Variants in SH3TC1 observed in about 807,000 individuals in gnomAD.
SH3TC1 encodes SH3 domain and tetratricopeptide repeat-containing protein 1.
In SH3TC1, 135 loss-of-function variants were observed where a neutral mutation model predicts 117.3. The ratio of observed to expected loss-of-function variants is 1.15; its 90% CI spans 1.00 to 1.33. The LOEUF (loss-of-function observed/expected upper bound fraction) is 1.33, where lower values mean the gene tolerates loss of function less well. Ranked by LOEUF, SH3TC1 falls within the 40% of genes most tolerant of loss-of-function variation. The pLI is 0.00. For missense variants in SH3TC1, 2,092 were observed against 1,794.3 expected (o/e 1.17, Z -3.00); for synonymous variants, 898 against 816.9 (o/e 1.10, Z -1.69).
chr4:8,227,158 A>G lies in SH3TC1; in HGVS notation c.1464A>G (p.Glu488=). 1.2e-6 allele frequency: 2 copies of G among 1,608,112 alleles called. No homozygotes were observed. Among genetic ancestry groups the G allele is most frequent in the Non-Finnish European group, 1.7e-6 (2 of 1,177,524 alleles). Reference sequence around the variant, plus strand: ...CCGAGGAGCCCTCCTTCTGCTTGGAAGCCGAGGACGACTGGGAGGACCCAG... The same window carrying G: ...CCGAGGAGCCCTCCTTCTGCTTGGAGGCCGAGGACGACTGGGAGGACCCAG... ...QDPEEPSFCL[E]AEDDWEDPEA... Residue 488 remains glutamate (E), a synonymous_variant, in exon 12 of 18, where the codon GAA becomes GAG. Coordinates refer to ENST00000245105, the MANE Select transcript of SH3TC1 (RefSeq NM_018986.5).
At chr4:8,204,430 C>A (rs1285392270) in intron 1 of SH3TC1, among the ~76,000 whole-genome samples, 1 of 152,202 alleles carries the variant, frequency 6.6e-6, no homozygotes, top group Non-Finnish European at 1.5e-5. Flanking sequence ...TCTGCATCCC[C>A]ATTGCTCCCC....
At chr4:8,214,448 C>G (rs367781994) in intron 4 of SH3TC1, 27 bp from the exon 5 acceptor site, 2 of 1,607,488 alleles carry the variant, frequency 1.2e-6, no homozygotes, top group East Asian at 2.2e-5. Flanking sequence ...CTGGGGACCT[C>G]TCGAATTCCT....
Position 8,227,510 on chromosome 4 carries a change from A to T in SH3TC1, c.1816A>T (p.Asn606Tyr). The change falls in exon 12 of 18, where the codon AAC becomes TAC. Residue 606 changes from asparagine to tyrosine, a missense_variant. By Grantham distance (143) the Asn-to-Tyr change is moderately radical. Coordinates refer to ENST00000245105, the MANE Select transcript of SH3TC1 (RefSeq NM_018986.5). Reference sequence around the variant, plus strand: ...GTTCCTAGTGGTGGCTGTGTACGCCAACCTGGCCAGCATTTACCGGAAGCA... The same window carrying T: ...GTTCCTAGTGGTGGCTGTGTACGCCTACCTGGCCAGCATTTACCGGAAGCA... ...DLFLVVAVYA[N>Y]LASIYRKQKN... 1 of 1,550,836 alleles carries T rather than the reference A, an allele frequency of 6.4e-7. No homozygotes were observed. Among genetic ancestry groups the T allele is most frequent in the Admixed American group, 2.1e-5 (1 of 47,978 alleles).
chr4:8,240,215 C>G (rs954613415), intron 17 of SH3TC1, among the ~76,000 whole-genome samples: 1 of 152,192 alleles, frequency 6.6e-6, no homozygotes, highest in Non-Finnish European at 1.5e-5. Context: ...GGGCATCACA[C>G]TCCGTCAATA....
At chr4:8,191,810 T>A (rs1361260823) in intron 1 of SH3TC1, among the ~76,000 whole-genome samples, 2 of 151,996 alleles carry the variant, frequency 1.3e-5, no homozygotes, top group Non-Finnish European at 2.9e-5. Context: ...CTTTGCTTGT[T>A]TGTGTTTCTG....
At chr4:8,238,551 G>A (rs897058533) in intron 17 of SH3TC1, among the ~76,000 whole-genome samples, 4 of 152,150 alleles carry the variant, frequency 2.6e-5, no homozygotes, top group Non-Finnish European at 4.4e-5. Flanking sequence ...GAGGAGCTGC[G>A]GCAACCCTAA....
chr4:8,209,118 C>T lies in SH3TC1; in HGVS notation c.173-630C>T, dbSNP rs182059025. Among the ~76,000 whole-genome samples the T allele has an allele frequency of 3.0e-4, 46 of 152,304 alleles. No individual in the cohort carries two copies. The highest frequency in any genetic ancestry group is 5.7e-4 in the Non-Finnish European group (39 of 68,032). On this transcript the variant is annotated intron_variant, in intron 2 of 17. Transcript: ENST00000245105. The surrounding 1 kb of genome is among the most constrained non-coding windows in gnomAD (Gnocchi z 5.9). ...CCTGCACAAGCTGTGAGGCTGAGCCCGTCTGTGGGCTCAGATAAAGTCCTC... is the reference window on the plus strand; with the variant it reads ...CCTGCACAAGCTGTGAGGCTGAGCCTGTCTGTGGGCTCAGATAAAGTCCTC...
Position 8,227,356 on chromosome 4 carries a change from C to T in SH3TC1, c.1662C>T (p.Gly554=), listed in dbSNP as rs371221202. The T allele has an allele frequency of 8.0e-5, 127 of 1,595,312 alleles. No homozygotes were observed. Among genetic ancestry groups the T allele is most frequent in the South Asian group, 3.0e-4 (26 of 88,084 alleles). Residue 554 remains glycine, a synonymous_variant, in exon 12 of 18, where the codon GGC becomes GGT. Coordinates refer to ENST00000245105, the MANE Select transcript of SH3TC1 (RefSeq NM_018986.5). The part of the protein sequence containing the change: ...AQARGAAKKA[G]LLMALARLCF... ...CCCGGGGGGCGGCCAAGAAAGCTGG[C>T]CTCCTCATGGCCCTGGCCAGGCTCT...
intron 4 of SH3TC1, among the ~76,000 whole-genome samples, chr4:8,214,219 A>T (rs965055617): frequency 1.3e-5 from 2 of 151,864 alleles, no homozygotes; most frequent in Non-Finnish European, 2.9e-5. Flanking sequence ...GGAGGTGTAG[A>T]GGGTGAGGAG....
In SH3TC1 at chr4:8,228,584, C is replaced by T. The variant is rs1330991735; in HGVS notation, c.2890C>T (p.Gln964Ter). The change falls in exon 12 of 18, where the codon CAG (glutamine) becomes TAG (stop). Residue 964 changes from glutamine (Q) to a stop codon, truncating the protein, a stop_gained. Coordinates refer to ENST00000245105, the MANE Select transcript of SH3TC1 (RefSeq NM_018986.5). LOFTEE classifies it high-confidence loss of function. ...CTGCACCCGCCAGGGCCCGGCCCAG[C>T]AGGGCAAGGGCTACTACGAGTGGGC... ...HLCTRQGPAQ[Q>*]GKGYYEWALL... 2 of 1,586,952 alleles carry T rather than the reference C, an allele frequency of 1.3e-6. No homozygotes were observed. Among genetic ancestry groups the T allele is most frequent in the Admixed American group, 1.7e-5 (1 of 57,464 alleles).
upstream of SH3TC1, among the ~76,000 whole-genome samples, chr4:8,195,930 G>A (rs1317846944): frequency 6.6e-6 from 1 of 152,214 alleles, no homozygotes; most frequent in African/African-American, 2.4e-5. Flanking sequence ...CATCATCTGA[G>A]CAGGGGCACA....
intron 4 of SH3TC1, among the ~76,000 whole-genome samples, chr4:8,214,164 G>A (rs1330843621): frequency 6.6e-6 from 1 of 152,142 alleles, no homozygotes; most frequent in Non-Finnish European, 1.5e-5. Flanking sequence ...GGGAGAAGCG[G>A]CGGTCACTGG....
chr4:8,228,981 C>T (rs1720861295), intron 12 of SH3TC1, among the ~76,000 whole-genome samples: 1 of 152,212 alleles, frequency 6.6e-6, no homozygotes, highest in African/African-American at 2.4e-5. Context: ...CTCCGCTGAG[C>T]TGGGACTTGG....
At chr4:8,239,357 GCACA>G (rs879940656) in intron 17 of SH3TC1, among the ~76,000 whole-genome samples, 3 of 146,734 alleles carry the variant, frequency 2.0e-5, no homozygotes, top group Non-Finnish European at 4.4e-5. Context: ...ACACGCAAAT[GCACA>G]CAGGCACACG....
Position 8,232,065 on chromosome 4 carries a change from C to A in SH3TC1, c.3040C>A (p.Leu1014Ile), listed in dbSNP as rs1413275602. 6.2e-7 allele frequency: 1 copy of A among 1,613,532 alleles called. No homozygotes were observed. ...GTGTGTCATCTACCATGAGCTCCAG[C>A]TCTCCCTGGCCTGCAAGGTGGCCGA... Reference protein sequence around the residue: ...AQCVIYHELQLSLACKVADKV... With the variant: ...AQCVIYHELQISLACKVADKV... The change falls in exon 13 of 18, where the codon CTC (leucine) becomes ATC (isoleucine). Residue 1014 changes from leucine (L) to isoleucine (I), a missense_variant. Physicochemically the swap from Leu to Ile is conservative, Grantham distance 5. Coordinates refer to ENST00000245105, the MANE Select transcript of SH3TC1 (RefSeq NM_018986.5).
At chr4:8,193,077 C>T (rs574148860) in intron 1 of SH3TC1, among the ~76,000 whole-genome samples, 31 of 152,360 alleles carry the variant, frequency 2.0e-4, no homozygotes, top group African/African-American at 7.5e-4. Context: ...TGCTATCTGT[C>T]TGCTTTCCTG....
At chr4:8,226,398 A>G (rs1720463071) in intron 11 of SH3TC1, among the ~76,000 whole-genome samples, 1 of 152,182 alleles carries the variant, frequency 6.6e-6, no homozygotes. Flanking sequence ...TCCTGCAGGG[A>G]TGGTCCATTT....
upstream of SH3TC1, among the ~76,000 whole-genome samples, chr4:8,198,906 CGTGT>C (rs532088474): frequency 2.0e-5 from 3 of 152,052 alleles, no homozygotes; most frequent in Admixed American, 1.3e-4. Flanking sequence ...CATGCACATG[CGTGT>C]GTGTGTGCAT....
At chr4:8,232,284 T>A in intron 13 of SH3TC1, 128 bp downstream of exon 13, 1 of 1,441,184 alleles carries the variant, frequency 6.9e-7, no homozygotes, top group Non-Finnish European at 9.3e-7. Context: ...TTCCTTGGCA[T>A]CGGATGCTCT....
Sources: allele counts gnomAD v4.1 joint callset (sites outside exome capture counted in the v4.1 genomes callset), GRCh38; gene constraint gnomAD v4.1.1; non-coding constraint Gnocchi (gnomAD v3.1); transcripts MANE v1.5; gene names NCBI Gene and HGNC (gene_info 2026-07-23, HGNC 2026-07-21).